SPON1: variants seen among roughly 807,000 people sequenced by gnomAD.
SPON1 encodes spondin-1.
A neutral mutation model predicts 111.7 loss-of-function variants in SPON1; 52 were observed. The observed-to-expected ratio is 0.47, with a 90% CI of 0.37 to 0.59. SPON1 has a LOEUF of 0.59. Among genes scored for constraint, SPON1 ranks in the 20% least tolerant of loss-of-function variants. The pLI is 0.00. For missense variants in SPON1, 957 were observed against 1,068.5 expected (o/e 0.90, Z 1.46); for synonymous variants, 410 against 395.8 (o/e 1.04, Z -0.43).
chr11:14,051,477 A>G (rs1439424212), intron 3 of SPON1, among the ~76,000 whole-genome samples: 1 of 151,988 alleles, frequency 6.6e-6, no homozygotes, highest in African/African-American at 2.4e-5. Flanking sequence ...TTGAGGCTTC[A>G]ATGAGCTGAG....
chr11:14,141,925 T>C (rs978423367), intron 6 of SPON1, among the ~76,000 whole-genome samples: 12 of 152,156 alleles, frequency 7.9e-5, no homozygotes, highest in Non-Finnish European at 1.6e-4. Context: ...TTTATAATAA[T>C]AAAGCTCCAG....
intron 5 of SPON1, among the ~76,000 whole-genome samples, chr11:14,131,978 G>A (rs1395501139): frequency 6.6e-6 from 1 of 152,200 alleles, no homozygotes; most frequent in Non-Finnish European, 1.5e-5. Flanking sequence ...GTCATTAAAT[G>A]TGTTAAAAAT....
Position 14,259,484 on chromosome 11 carries a change from G to A in SPON1, c.1663+34G>A. 3 of 1,584,880 alleles carry A rather than the reference G, an allele frequency of 1.9e-6. No individual in the cohort carries two copies. Among genetic ancestry groups the A allele is most frequent in the Non-Finnish European group, 2.6e-6 (3 of 1,165,550 alleles). On this transcript the variant is annotated intron_variant, in intron 12 of 15. Transcript: ENST00000576479. This position sits in a 1 kb window ranked among gnomAD's most constrained non-coding sequence, Gnocchi z 5.0. ...GGGCCCCGGGCGGGCAGGCGGGCAA[G>A]TAGGTCGGGGAGGCAGCAGGTGCGA... is the stretch of plus-strand genomic sequence containing the variant.
intron 6 of SPON1, among the ~76,000 whole-genome samples, chr11:14,153,061 G>A (rs1160941153): frequency 2.0e-5 from 3 of 152,196 alleles, no homozygotes; most frequent in Admixed American, 6.5e-5. Context: ...CAGGGCAGAT[G>A]TATGGCCTGG....
intron 5 of SPON1, among the ~76,000 whole-genome samples, chr11:14,109,450 A>C (rs1200749897): frequency 6.6e-6 from 1 of 152,250 alleles, no homozygotes; most frequent in African/African-American, 2.4e-5. Context: ...AATAACATAA[A>C]CACAGCTTAA....
At chr11:14,150,898 A>T (rs1182865566) in intron 6 of SPON1, among the ~76,000 whole-genome samples, 1 of 152,130 alleles carries the variant, frequency 6.6e-6, no homozygotes, top group Non-Finnish European at 1.5e-5. Flanking sequence ...TAGATGCTAA[A>T]ATTACCTCCT....
At chr11:14,179,505 G>A (rs1202697344) in intron 6 of SPON1, among the ~76,000 whole-genome samples, 1 of 152,050 alleles carries the variant, frequency 6.6e-6, no homozygotes, top group African/African-American at 2.4e-5. Context: ...CATTTCCTCT[G>A]TCCTGCCTTG....
chr11:14,263,693 A>G (rs1237021858), intron 15 of SPON1, among the ~76,000 whole-genome samples: 2 of 152,222 alleles, frequency 1.3e-5, no homozygotes, highest in African/African-American at 4.8e-5. Context: ...AGGGAAAACT[A>G]GAGTGGGTCT....
intron 3 of SPON1, among the ~76,000 whole-genome samples, chr11:14,062,361 T>C (rs371468013): frequency 6.6e-6 from 1 of 152,156 alleles, no homozygotes; most frequent in Non-Finnish European, 1.5e-5. Context: ...GTTACATAAA[T>C]CATAAATATT....
chr11:14,259,466 G>C lies in SPON1; in HGVS notation c.1663+16G>C, dbSNP rs888773997. On this transcript the variant is annotated intron_variant, in intron 12 of 15. Transcript: ENST00000576479. The surrounding 1 kb of genome is among the most constrained non-coding windows in gnomAD (Gnocchi z 5.0). Reference sequence around the variant, plus strand: ...GAGGAGTGCTGTGAGTGGGGGCCCCGGGCGGGCAGGCGGGCAAGTAGGTCG... The same window carrying C: ...GAGGAGTGCTGTGAGTGGGGGCCCCCGGCGGGCAGGCGGGCAAGTAGGTCG... 6 of 1,599,594 alleles carry C rather than the reference G, an allele frequency of 3.8e-6. No individual in the cohort carries two copies. The East Asian group carries it at 9.0e-5, about 24-fold the overall frequency.
At chr11:14,182,774 T>C (rs782263508) in intron 6 of SPON1, among the ~76,000 whole-genome samples, 1 of 152,122 alleles carries the variant, frequency 6.6e-6, no homozygotes, top group Non-Finnish European at 1.5e-5. Flanking sequence ...CCCTGCCAGG[T>C]CAACACACTC....
intron 6 of SPON1, among the ~76,000 whole-genome samples, chr11:14,225,137 C>T (rs1554938005): frequency 6.6e-6 from 1 of 152,032 alleles, no homozygotes; most frequent in East Asian, 1.9e-4. Flanking sequence ...ATATAGAATC[C>T]AGGGTATTAT....
intron 5 of SPON1, among the ~76,000 whole-genome samples, chr11:14,087,914 G>T (rs1849019090): frequency 2.0e-5 from 3 of 152,020 alleles, no homozygotes; most frequent in African/African-American, 7.2e-5. Flanking sequence ...TGTCTTTTTT[G>T]ATCTTTGTTG....
chr11:14,037,678 A>AT (rs35933417), intron 2 of SPON1, among the ~76,000 whole-genome samples: 1 of 152,246 alleles, frequency 6.6e-6, no homozygotes, highest in Non-Finnish European at 1.5e-5. Context: ...TATGGCAGTG[A>AT]TTTTTTAAGT....
At chr11:14,032,747 ACTT>A (rs1355023117) in intron 2 of SPON1, among the ~76,000 whole-genome samples, 1 of 152,040 alleles carries the variant, frequency 6.6e-6, no homozygotes, top group African/African-American at 2.4e-5. Context: ...CTATCACACT[ACTT>A]CTCATGACAC....
At chr11:14,211,949 AAAG>A (rs1204219900) in intron 6 of SPON1, among the ~76,000 whole-genome samples, 1 of 152,178 alleles carries the variant, frequency 6.6e-6, no homozygotes, top group Non-Finnish European at 1.5e-5. Context: ...TTTGAAAAAA[AAAG>A]CTTTTAATCT....
chr11:14,264,114 T>C (rs1398298022), intron 15 of SPON1, among the ~76,000 whole-genome samples: 2 of 151,376 alleles, frequency 1.3e-5, no homozygotes, highest in Non-Finnish European at 2.9e-5. Context: ...AAGACCATGA[T>C]AGGTCCAAGT....
At chr11:14,188,882 T>C (rs1395679738) in intron 6 of SPON1, among the ~76,000 whole-genome samples, 1 of 152,224 alleles carries the variant, frequency 6.6e-6, no homozygotes, top group Non-Finnish European at 1.5e-5. Context: ...AATGTCAGTT[T>C]TTATACTATC....
chr11:14,197,520 T>TAAATAAATAAATAAATAAAC (rs1554935216), intron 6 of SPON1, among the ~76,000 whole-genome samples: 4 of 135,372 alleles, frequency 3.0e-5, no homozygotes, highest in African/African-American at 1.1e-4. Flanking sequence ...AATAAATAAA[T>TAAATAAATAAATAAATAAAC]AAACAAGTGG....
Sources: allele counts gnomAD v4.1 joint callset (sites outside exome capture counted in the v4.1 genomes callset), GRCh38; gene constraint gnomAD v4.1.1; non-coding constraint Gnocchi (gnomAD v3.1); transcripts MANE v1.5; gene names NCBI Gene and HGNC (gene_info 2026-07-23, HGNC 2026-07-21).